Variants in DGKB observed in about 807,000 individuals in gnomAD.
The protein encoded by DGKB is 90 kDa diacylglycerol kinase.
A neutral mutation model predicts 114.3 loss-of-function variants in DGKB; 67 were observed. The ratio of observed to expected loss-of-function variants is 0.59; its 90% CI spans 0.48 to 0.72. DGKB has a LOEUF of 0.72. Among genes scored for constraint, DGKB ranks in the 30% least tolerant of loss-of-function variants. DGKB has a pLI of 0.00. For missense variants in DGKB, 907 were observed against 975.2 expected (o/e 0.93, Z 0.93); for synonymous variants, 398 against 323.1 (o/e 1.23, Z -2.49).
rs140800852 is a variant in DGKB, at chr7:14,294,459, T to G, written c.2122+44056A>C. Among the ~76,000 whole-genome samples, 12 of 152,288 alleles carry G rather than the reference T, an allele frequency of 7.9e-5. No individual in the cohort carries two copies. In the East Asian group the frequency reaches 1.9e-3, roughly 25 times the overall value. The stretch of plus-strand genomic sequence containing the variant: ...TGGAGACCCTGCATTGGCCCAGTGA[T>G]AGCCACTATGATATAAAGATTACCA... On this transcript the variant is annotated intron_variant, in intron 23 of 25. Transcript: ENST00000402815.
intron 23 of DGKB, among the ~76,000 whole-genome samples, chr7:14,286,583 C>A (rs1342228748): frequency 1.3e-5 from 2 of 152,080 alleles, no homozygotes; most frequent in Non-Finnish European, 2.9e-5. Flanking sequence ...GAACTTATAT[C>A]TGACTTTGTT....
At chr7:14,334,983 G>C (rs1810406730) in intron 23 of DGKB, among the ~76,000 whole-genome samples, 1 of 152,168 alleles carries the variant, frequency 6.6e-6, no homozygotes, top group Non-Finnish European at 1.5e-5. Flanking sequence ...TTGAGTGTGA[G>C]TGTGATTATG....
chr7:14,533,734 GA>G (rs550213494), intron 20 of DGKB, among the ~76,000 whole-genome samples: 9 of 151,946 alleles, frequency 5.9e-5, no homozygotes, highest in Non-Finnish European at 1.3e-4. Context: ...TTTCTCAGCA[GA>G]AATGTTTCAG....
chr7:14,825,312 T>C (rs553604358), intron 2 of DGKB, among the ~76,000 whole-genome samples: 1 of 151,896 alleles, frequency 6.6e-6, no homozygotes, highest in African/African-American at 2.4e-5. Context: ...TGCATTACGT[T>C]TATTGTGCAC....
intron 1 of DGKB, among the ~76,000 whole-genome samples, chr7:14,946,671 A>C (rs1468187016): frequency 6.6e-6 from 1 of 151,700 alleles, no homozygotes; most frequent in Non-Finnish European, 1.5e-5. Flanking sequence ...GAAACAAGGA[A>C]GTTTTCAAAC....
intron 9 of DGKB, among the ~76,000 whole-genome samples, chr7:14,685,630 T>C (rs1390382641): frequency 1.3e-5 from 2 of 152,192 alleles, no homozygotes; most frequent in Non-Finnish European, 2.9e-5. Context: ...GCCATCGTCA[T>C]GACCTGCCAA....
chr7:14,649,499 T>G (rs1049962912), intron 13 of DGKB, among the ~76,000 whole-genome samples: 9 of 151,818 alleles, frequency 5.9e-5, no homozygotes, highest in Non-Finnish European at 8.8e-5. Flanking sequence ...AAGGAAGCAC[T>G]AAACATGGAA....
At chr7:14,644,149 A>T (rs913227930) in intron 13 of DGKB, among the ~76,000 whole-genome samples, 4 of 152,030 alleles carry the variant, frequency 2.6e-5, no homozygotes, top group Non-Finnish European at 5.9e-5. Flanking sequence ...AGAATACATT[A>T]CTGTACCTAC....
intron 2 of DGKB, among the ~76,000 whole-genome samples, chr7:14,834,554 T>C (rs1846883241): frequency 6.6e-6 from 1 of 152,140 alleles, no homozygotes; most frequent in African/African-American, 2.4e-5. Context: ...TCTCTTTCTC[T>C]CTCTGTCACA....
At chr7:14,256,431 A>G (rs189396358) in intron 23 of DGKB, among the ~76,000 whole-genome samples, 9 of 148,154 alleles carry the variant, frequency 6.1e-5, no homozygotes, top group Non-Finnish European at 1.2e-4. Context: ...GTTAATCTAC[A>G]GTATTTTATT....
chr7:14,223,697 A>G (rs530112856), intron 23 of DGKB, among the ~76,000 whole-genome samples: 50 of 151,868 alleles, frequency 3.3e-4, no homozygotes, highest in African/African-American at 1.2e-3. Flanking sequence ...AGTTAGCAAC[A>G]AATTTTCTCA....
At chr7:14,656,393 G>GA (rs1484542662) in intron 13 of DGKB, among the ~76,000 whole-genome samples, 120 of 149,918 alleles carry the variant, frequency 8.0e-4, no homozygotes, top group African/African-American at 2.6e-3. Context: ...TTTAAATTTT[G>GA]GTTTTTTTTT....
At chr7:14,506,773 G>C (rs550237868) in intron 20 of DGKB, among the ~76,000 whole-genome samples, 1 of 152,242 alleles carries the variant, frequency 6.6e-6, no homozygotes, top group South Asian at 2.1e-4. Context: ...AATGACTGCT[G>C]ATATTCTCTG....
intron 20 of DGKB, among the ~76,000 whole-genome samples, chr7:14,483,476 C>A (rs1396808796): frequency 2.0e-5 from 3 of 152,020 alleles, no homozygotes; most frequent in African/African-American, 7.2e-5. Context: ...AAGTTGATGA[C>A]GTAAAGGACT....
At chr7:14,921,156 T>G (rs1010130324) in intron 1 of DGKB, among the ~76,000 whole-genome samples, 4 of 152,134 alleles carry the variant, frequency 2.6e-5, no homozygotes, top group African/African-American at 9.6e-5. Context: ...ATCAGTGGTT[T>G]CCAGAGGTTT....
intron 5 of DGKB, 69 bp downstream of exon 5, chr7:14,735,972 A>G: frequency 1.1e-6 from 1 of 933,604 alleles, no homozygotes; most frequent in South Asian, 2.9e-5. Context: ...TTCATCTTTT[A>G]TGATAACTAG....
chr7:14,594,154 C>A (rs1276817257), intron 17 of DGKB, among the ~76,000 whole-genome samples: 2 of 151,934 alleles, frequency 1.3e-5, no homozygotes, highest in Non-Finnish European at 2.9e-5. Flanking sequence ...CACAAAACAC[C>A]TTTTAAAACG....
chr7:14,255,961 T>C (rs892696319), intron 23 of DGKB, among the ~76,000 whole-genome samples: 41 of 152,350 alleles, frequency 2.7e-4, no homozygotes, highest in African/African-American at 8.7e-4. Context: ...TTGACCTTTC[T>C]GAAGCTCATG....
At chr7:14,530,028 C>G (rs949530500) in intron 20 of DGKB, among the ~76,000 whole-genome samples, 1 of 151,592 alleles carries the variant, frequency 6.6e-6, no homozygotes, top group African/African-American at 2.4e-5. Flanking sequence ...TTTATTTGAT[C>G]AGGATCGATT....
Sources: allele counts gnomAD v4.1 joint callset (sites outside exome capture counted in the v4.1 genomes callset), GRCh38; gene constraint gnomAD v4.1.1; transcripts MANE v1.5; gene names NCBI Gene and HGNC (gene_info 2026-07-23, HGNC 2026-07-21).